NRG1: variants seen among roughly 807,000 people sequenced by gnomAD.
NRG1 encodes pro-neuregulin-1, membrane-bound isoform.
Under a neutral mutation model 63.8 loss-of-function variants are expected in NRG1, and 18 were observed. The observed-to-expected ratio is 0.28, with a 90% CI of 0.19 to 0.42. NRG1 has a LOEUF of 0.42. NRG1 is among the 10% of genes least tolerant of loss of function. The pLI is 1.00. For synonymous variants in NRG1, 302 were observed against 301.3 expected (o/e 1.00, Z -0.02); for missense variants, 762 against 814.7 (o/e 0.94, Z 0.79).
intron 1 of NRG1, among the ~76,000 whole-genome samples, chr8:32,233,563 A>ATATATATTTT (rs34593729): frequency 2.0e-3 from 133 of 67,234 alleles, no homozygotes; most frequent in East Asian, 8.3e-3. Flanking sequence ...ATATATATAT[A>ATATATATTTT]TTTTTTTTTT....
intron 1 of NRG1, among the ~76,000 whole-genome samples, chr8:32,110,792 C>T (rs1268380305): frequency 1.3e-5 from 2 of 152,162 alleles, no homozygotes; most frequent in Non-Finnish European, 2.9e-5. Context: ...TCCCCACATT[C>T]ACTACCCGAA....
chr8:32,413,926 G>T (rs962097272), intron 1 of NRG1, among the ~76,000 whole-genome samples: 1 of 143,452 alleles, frequency 7.0e-6, no homozygotes, highest in East Asian at 2.0e-4. Context: ...TTTCTTCTAG[G>T]TTTTTTTTTT....
intron 1 of NRG1, among the ~76,000 whole-genome samples, chr8:31,745,526 G>A (rs1171450852): frequency 6.6e-6 from 1 of 151,924 alleles, no homozygotes; most frequent in African/African-American, 2.4e-5. Flanking sequence ...CTAAGCTGGA[G>A]GTAATAGGAG....
At chr8:32,421,965 A>G (rs1051443978) in intron 1 of NRG1, among the ~76,000 whole-genome samples, 1 of 152,072 alleles carries the variant, frequency 6.6e-6, no homozygotes, top group Non-Finnish European at 1.5e-5. Flanking sequence ...AGAACGGAAC[A>G]ATAGACACTG....
chr8:32,007,246 G>A (rs567938483), intron 1 of NRG1, among the ~76,000 whole-genome samples: 2 of 152,134 alleles, frequency 1.3e-5, no homozygotes, highest in African/African-American at 4.8e-5. Flanking sequence ...TCTGGTACTA[G>A]AAGCCAAGAT....
chr8:32,658,685 A>C (rs988289520), intron 5 of NRG1, among the ~76,000 whole-genome samples: 4 of 152,182 alleles, frequency 2.6e-5, no homozygotes, highest in Non-Finnish European at 5.9e-5. Flanking sequence ...GAAAATGTTG[A>C]TATTTTCATC....
intron 1 of NRG1, among the ~76,000 whole-genome samples, chr8:32,157,984 TC>T (rs900737381): frequency 1.3e-5 from 2 of 152,136 alleles, no homozygotes; most frequent in Non-Finnish European, 2.9e-5. Context: ...CCAAACTCTG[TC>T]CCGGGATGCT....
chr8:31,918,713 T>G (rs1261721859), intron 1 of NRG1, among the ~76,000 whole-genome samples: 2 of 152,224 alleles, frequency 1.3e-5, no homozygotes, highest in Non-Finnish European at 2.9e-5. Flanking sequence ...GATGTTGGCC[T>G]CATAAAATGA....
intron 5 of NRG1, among the ~76,000 whole-genome samples, chr8:32,701,427 G>A (rs1198002828): frequency 1.3e-5 from 2 of 152,076 alleles, no homozygotes; most frequent in African/African-American, 4.8e-5. Flanking sequence ...ATTAAAAAAA[G>A]CCTGGCATTG....
intron 1 of NRG1, among the ~76,000 whole-genome samples, chr8:31,843,844 G>T (rs891026122): frequency 3.9e-5 from 6 of 152,070 alleles, no homozygotes; most frequent in Non-Finnish European, 5.9e-5. Context: ...GTTCATTTTT[G>T]TTTGAGTTTT....
intron 1 of NRG1, among the ~76,000 whole-genome samples, chr8:31,974,331 T>A (rs1586187985): frequency 6.6e-6 from 1 of 151,946 alleles, no homozygotes; most frequent in African/African-American, 2.4e-5. Context: ...GCCTGGCTAA[T>A]TTTTTTCTTT....
chr8:31,847,827 T>G (rs1826834364), intron 1 of NRG1, among the ~76,000 whole-genome samples: 1 of 152,236 alleles, frequency 6.6e-6, no homozygotes, highest in Non-Finnish European at 1.5e-5. Context: ...GAATGAGGCC[T>G]TTAACATTGT....
chr8:32,040,737 TGAA>T (rs1175327585), intron 1 of NRG1, among the ~76,000 whole-genome samples: 173 of 14,978 alleles, frequency 0.012, no homozygotes, highest in Middle Eastern at 0.056. Flanking sequence ...TATATATATA[TGAA>T]ATTTAGGCGC....
intron 1 of NRG1, among the ~76,000 whole-genome samples, chr8:32,463,492 T>C (rs1399500484): frequency 6.6e-6 from 1 of 152,186 alleles, no homozygotes; most frequent in African/African-American, 2.4e-5. Flanking sequence ...CGAGTCAGTG[T>C]AACTTTAAAT....
chr8:32,677,156 T>G (rs1807341544), intron 5 of NRG1, among the ~76,000 whole-genome samples: 2 of 152,174 alleles, frequency 1.3e-5, no homozygotes, highest in Non-Finnish European at 2.9e-5. Flanking sequence ...GGTTCATGAA[T>G]CAAATTTTCC....
chr8:32,253,172 T>A (rs1232420303), intron 1 of NRG1, among the ~76,000 whole-genome samples: 2 of 152,204 alleles, frequency 1.3e-5, no homozygotes, highest in Non-Finnish European at 2.9e-5. Context: ...CTTTTCCAAT[T>A]TGAATATACT....
At position 32,166,185 on chromosome 8, in the gene NRG1, C is replaced by G. The variant is rs141343926; in HGVS notation, c.38-429643C>G. On this transcript the variant is annotated intron_variant, in intron 1 of 10. Transcript: ENST00000519301. ...TTTTATTCATTTTATTTGCTATACCCTTGTGCTACTTAGAGAAGGGTAGAG... is the reference window on the plus strand; with the variant it reads ...TTTTATTCATTTTATTTGCTATACCGTTGTGCTACTTAGAGAAGGGTAGAG... Among the ~76,000 whole-genome samples, 386 of 152,212 alleles carry G rather than the reference C, an allele frequency of 2.5e-3. 2 individuals are homozygous for G. Among genetic ancestry groups the G allele is most frequent in the African/African-American group, 9.1e-3 (378 of 41,528 alleles).
At position 31,856,936 on chromosome 8, in the gene NRG1, G is replaced by A. The variant is rs1263710870; in HGVS notation, c.37+217505G>A. Among the ~76,000 whole-genome samples, 6 of 152,174 alleles carry A rather than the reference G, an allele frequency of 3.9e-5. No individual in the cohort carries two copies. The South Asian group carries it at 6.2e-4, about 16-fold the overall frequency. Reference sequence around the variant, plus strand: ...CAGTTAGGCTGCTCGGGGGTCAGGTGTCAGGGACCCACTTGAGGAGGCAGT... The same window carrying A: ...CAGTTAGGCTGCTCGGGGGTCAGGTATCAGGGACCCACTTGAGGAGGCAGT... On this transcript the variant is annotated intron_variant, in intron 1 of 10. Transcript: ENST00000519301.
At chr8:31,824,077 T>TA (rs1824284953) in intron 1 of NRG1, among the ~76,000 whole-genome samples, 5 of 152,218 alleles carry the variant, frequency 3.3e-5, no homozygotes, top group Non-Finnish European at 5.9e-5. Flanking sequence ...TGCAGGTTTG[T>TA]TACATATGTA....
Sources: allele counts gnomAD v4.1 joint callset (sites outside exome capture counted in the v4.1 genomes callset), GRCh38; gene constraint gnomAD v4.1.1; transcripts MANE v1.5; gene names NCBI Gene and HGNC (gene_info 2026-07-23, HGNC 2026-07-21).